Variants in BMERB1 observed in about 807,000 individuals in gnomAD.
BMERB1 encodes the protein bMERB domain-containing protein 1.
A neutral mutation model predicts 23.6 loss-of-function variants in BMERB1; 12 were observed. The ratio of observed to expected loss-of-function variants is 0.51; its 90% CI spans 0.33 to 0.82. BMERB1 has a LOEUF of 0.82. Ranked by LOEUF, BMERB1 falls within the 40% of genes least tolerant of loss-of-function variation. BMERB1 has a pLI of 0.03. For missense variants in BMERB1, 247 were observed against 255.4 expected, an observed-to-expected ratio of 0.97 and a Z score of 0.22; for synonymous variants, 122 against 96.6, an observed-to-expected ratio of 1.26 and a Z score of -1.54.
At chr16:15,571,576 G>A (rs1342345993) in intron 3 of BMERB1, among the ~76,000 whole-genome samples, 2 of 151,902 alleles carry the variant, frequency 1.3e-5, no homozygotes, top group African/African-American at 2.4e-5. Flanking sequence ...GGATGGTCTC[G>A]ATCTCCTGAC....
intron 2 of BMERB1, among the ~76,000 whole-genome samples, chr16:15,549,937 T>G (rs978201252): frequency 6.6e-6 from 1 of 152,190 alleles, no homozygotes; most frequent in Non-Finnish European, 1.5e-5. Context: ...CTACCTGATA[T>G]TTCCCATTTC....
chr16:15,474,011 T>A (rs2051254985), intron 1 of BMERB1, among the ~76,000 whole-genome samples: 1 of 151,378 alleles, frequency 6.6e-6, no homozygotes, highest in South Asian at 2.1e-4. Context: ...TCCCAGCTCC[T>A]CGGGAGGCTG....
At chr16:15,469,827 C>T (rs959020849) in intron 1 of BMERB1, among the ~76,000 whole-genome samples, 2 of 152,166 alleles carry the variant, frequency 1.3e-5, no homozygotes, top group African/African-American at 4.8e-5. Context: ...ATATTTGTCT[C>T]TTGACATTGG....
At chr16:15,478,647 T>C (rs1485327271) in intron 1 of BMERB1, among the ~76,000 whole-genome samples, 5 of 152,210 alleles carry the variant, frequency 3.3e-5, no homozygotes, top group Non-Finnish European at 7.3e-5. Flanking sequence ...AATTTTTCTT[T>C]ATTGTGTTGA....
rs577583496 is a variant in BMERB1, at chr16:15,434,627, C to G, written c.-27C>G. The G allele has an allele frequency of 2.5e-6, 4 of 1,599,002 alleles. No homozygotes were observed. The African/African-American group carries it at 4.0e-5, about 16-fold the overall frequency. On this transcript the variant is annotated 5_prime_UTR_variant, in exon 1 of 6. Coordinates refer to ENST00000300006, the MANE Select transcript of BMERB1 (RefSeq NM_033201.3). Reference sequence around the variant, plus strand: ...CAACGGGAATGGAGTAAAGGGAGACCCGTCGACCTGGCCACGGGGATCAGC... The same window carrying G: ...CAACGGGAATGGAGTAAAGGGAGACGCGTCGACCTGGCCACGGGGATCAGC...
intron 3 of BMERB1, among the ~76,000 whole-genome samples, chr16:15,577,643 GTTCCGGGGTTTTATATGTTGGCATA>G (rs373515869): frequency 0.073 from 11,175 of 152,290 alleles, 1,252 homozygotes; most frequent in African/African-American, 0.24. Flanking sequence ...ATGTTGGCAT[GTTCCGGGGTTTTATATGTTGGCATA>G]TTCCAGGGTT....
intron 1 of BMERB1, among the ~76,000 whole-genome samples, chr16:15,480,699 C>T (rs912426667): frequency 1.2e-4 from 18 of 148,346 alleles, no homozygotes; most frequent in African/African-American, 4.0e-4. Context: ...CTGTAACCTC[C>T]GTCTCCCAGG....
At chr16:15,543,469 G>A (rs1477945384) in intron 2 of BMERB1, among the ~76,000 whole-genome samples, 1 of 152,128 alleles carries the variant, frequency 6.6e-6, no homozygotes, top group Non-Finnish European at 1.5e-5. Flanking sequence ...GTCCGTATCA[G>A]CAGGATGCTA....
chr16:15,461,362 T>C (rs1340699033), intron 1 of BMERB1, among the ~76,000 whole-genome samples: 1 of 152,092 alleles, frequency 6.6e-6, no homozygotes, highest in Non-Finnish European at 1.5e-5. Flanking sequence ...TCGTTATCAA[T>C]AAAACATACT....
Position 15,439,137 on chromosome 16 carries a change from A to G in BMERB1, c.106+4378A>G, listed in dbSNP as rs755471184. 3.3e-5 allele frequency among the ~76,000 whole-genome samples: 5 copies of G among 152,182 alleles called. 1 individual carries two copies. Among genetic ancestry groups the G allele is most frequent in the Admixed American group, 1.3e-4 (2 of 15,268 alleles). ...TTGACTGCTATTTTAAATTTCAACT[A>G]TAGTTTTTAGATAAAAGATATGTAA... On this transcript the variant is annotated intron_variant, in intron 1 of 5. Coordinates refer to ENST00000300006, the MANE Select transcript of BMERB1 (RefSeq NM_033201.3).
chr16:15,528,171 C>G (rs906940344), intron 2 of BMERB1, among the ~76,000 whole-genome samples: 73 of 152,062 alleles, frequency 4.8e-4, no homozygotes, highest in African/African-American at 1.7e-3. Flanking sequence ...TGGAGTCTGG[C>G]TGGGAAGTCC....
chr16:15,482,023 G>C (rs1464263780), intron 1 of BMERB1, among the ~76,000 whole-genome samples: 1 of 151,998 alleles, frequency 6.6e-6, no homozygotes, highest in Non-Finnish European at 1.5e-5. Flanking sequence ...GAGCCACCGC[G>C]CCTGGCCTGC....
At chr16:15,551,906 G>T (rs1007515949) in intron 2 of BMERB1, among the ~76,000 whole-genome samples, 9 of 152,076 alleles carry the variant, frequency 5.9e-5, no homozygotes, top group African/African-American at 1.9e-4. Flanking sequence ...GCACTCAAGC[G>T]ATCCTCCTGC....
intron 2 of BMERB1, among the ~76,000 whole-genome samples, chr16:15,541,606 T>C (rs1315356480): frequency 6.9e-6 from 1 of 145,562 alleles, no homozygotes; most frequent in African/African-American, 2.5e-5. Context: ...TTAATTTTTT[T>C]TTTTTTTTTT....
intron 1 of BMERB1, among the ~76,000 whole-genome samples, chr16:15,440,184 G>A (rs934288347): frequency 1.4e-5 from 2 of 144,322 alleles, no homozygotes; most frequent in Non-Finnish European, 3.0e-5. Context: ...GGCAGAGGTT[G>A]CAGTGAGCCG....
chr16:15,580,834 C>T (rs957031508), intron 3 of BMERB1, among the ~76,000 whole-genome samples: 47 of 152,016 alleles, frequency 3.1e-4, no homozygotes, highest in South Asian at 1.0e-3. Flanking sequence ...TGTGAGCCAC[C>T]GCACCCGGCC....
intron 3 of BMERB1, 37 bp downstream of exon 3, chr16:15,568,093 G>C (rs781344017): frequency 6.2e-7 from 1 of 1,604,108 alleles, no homozygotes; most frequent in East Asian, 2.2e-5. Context: ...CTAAACAGGT[G>C]CTTGGGGGCC....
chr16:15,535,457 C>A (rs2052015575), intron 2 of BMERB1, among the ~76,000 whole-genome samples: 1 of 151,850 alleles, frequency 6.6e-6, no homozygotes, highest in Non-Finnish European at 1.5e-5. Context: ...ACCATCCTGG[C>A]CAACATGGTG....
intron 1 of BMERB1, among the ~76,000 whole-genome samples, chr16:15,503,224 G>A (rs1230954199): frequency 1.3e-5 from 2 of 152,302 alleles, no homozygotes; most frequent in South Asian, 2.1e-4. Flanking sequence ...TCTACAGGAG[G>A]ATGTGTGGGG....
Sources: gnomAD v4.1 joint callset for allele counts (sites outside exome capture counted in the v4.1 genomes callset) on GRCh38, gnomAD v4.1.1 for gene constraint, MANE v1.5 for transcripts, NCBI Gene and HGNC (gene_info 2026-07-23, HGNC 2026-07-21) for gene names.